The following CAT variants were observed in gnomAD, a reference collection of about 807,000 sequenced individuals.
CAT encodes the protein epididymis secretory sperm binding protein.
CAT carries 43 observed loss-of-function variants against 59.0 expected under a neutral mutation model. That is an observed-to-expected ratio of 0.73 (90% confidence interval 0.57 to 0.94). The LOEUF is 0.94. CAT is among the 40% of genes least tolerant of loss of function. CAT has a pLI of 0.00. For synonymous variants in CAT, 218 were observed against 230.9 expected (o/e 0.94, Z 0.51); for missense variants, 664 against 682.9 (o/e 0.97, Z 0.31).
chr11:34,439,035 G>A lies in CAT; in HGVS notation c.22G>A (p.Ala8Thr). 1 of 1,598,474 alleles carries A rather than the reference G, an allele frequency of 6.3e-7. No individual in the cohort carries two copies. The highest frequency in any genetic ancestry group is 8.5e-7 in the Non-Finnish European group (1 of 1,172,654). MADSRDPASDQMQHWKEQ... is the reference protein window; with the variant it reads MADSRDPTSDQMQHWKEQ... ...CGCTATGGCTGACAGCCGGGATCCC[G>A]CCAGCGACCAGATGCAGCACTGGAA... Residue 8 changes from alanine to threonine, a missense_variant, in exon 1 of 13, where the codon GCC (alanine) becomes ACC (threonine). Coordinates refer to ENST00000241052, the MANE Select transcript of CAT (RefSeq NM_001752.4).
chr11:34,462,061 C>A (rs1307353065), intron 9 of CAT, among the ~76,000 whole-genome samples: 1 of 151,756 alleles, frequency 6.6e-6, no homozygotes, highest in Non-Finnish European at 1.5e-5. Context: ...TTTTTGGTGT[C>A]GTATACAAAC....
In CAT at chr11:34,456,163, G is replaced by C; in HGVS notation, c.864G>C (p.Gln288His). 1 of 1,614,010 alleles carries C rather than the reference G, an allele frequency of 6.2e-7. No individual in the cohort carries two copies. Among genetic ancestry groups the C allele is most frequent in the Non-Finnish European group, 8.5e-7 (1 of 1,179,992 alleles). ...TFYIQVMTFN[Q>H]AETFPFNPFD... ...ACATCCAGGTCATGACATTTAATCA[G>C]GCAGAAACTTTTCCATTTAATCCAT... Residue 288 changes from glutamine to histidine, a missense_variant, in exon 7 of 13, where the codon CAG becomes CAC. By Grantham distance (24) the Gln-to-His change is conservative. Coordinates refer to ENST00000241052, the MANE Select transcript of CAT (RefSeq NM_001752.4).
Position 34,449,243 on chromosome 11 carries a change from A to G in CAT, c.118A>G (p.Asn40Asp). The stretch of plus-strand genomic sequence containing the variant: ...TGGTAACCCAGTAGGAGACAAACTT[A>G]ATGTTATTACAGTAGGGCCCCGTGG... Reference protein sequence around the residue: ...GAGNPVGDKLNVITVGPRGPL... With the variant: ...GAGNPVGDKLDVITVGPRGPL... The change falls in exon 2 of 13, where the codon AAT becomes GAT. Residue 40 changes from asparagine (N) to aspartate (D), a missense_variant. Coordinates refer to ENST00000241052, the MANE Select transcript of CAT (RefSeq NM_001752.4). The G allele has an allele frequency of 6.2e-7, 1 of 1,614,076 alleles. No individual in the cohort carries two copies. The highest frequency in any genetic ancestry group is 8.5e-7 in the Non-Finnish European group (1 of 1,179,922).
At chr11:34,449,584 C>T (rs1856498636) in intron 2 of CAT, among the ~76,000 whole-genome samples, 1 of 152,182 alleles carries the variant, frequency 6.6e-6, no homozygotes, top group South Asian at 2.1e-4. Flanking sequence ...TAGCAGTCTT[C>T]CATTTCTCCC....
At chr11:34,458,530 G>A (rs988428715) in intron 8 of CAT, among the ~76,000 whole-genome samples, 1 of 152,190 alleles carries the variant, frequency 6.6e-6, no homozygotes, top group African/African-American at 2.4e-5. Context: ...GCCAAAACAA[G>A]GTAATCCTGG....
intron 8 of CAT, 194 bp downstream of exon 8, chr11:34,457,011 A>G: frequency 1.6e-6 from 1 of 616,036 alleles, no homozygotes; most frequent in Non-Finnish European, 2.9e-6. Flanking sequence ...GAGTAAACCA[A>G]GTATAAACAA....
In CAT at chr11:34,470,023, A is replaced by C. The variant is rs970388398; in HGVS notation, c.1435-935A>C. 3.3e-5 allele frequency among the ~76,000 whole-genome samples: 5 copies of C among 152,092 alleles called. No homozygotes were observed. The East Asian group carries it at 9.6e-4, about 29-fold the overall frequency. Reference sequence around the variant, plus strand: ...GCAATTCTGTAATTCTTTGACAGTAACTGTGTGTCCTATAACTCAATTCAA... The same window carrying C: ...GCAATTCTGTAATTCTTTGACAGTACCTGTGTGTCCTATAACTCAATTCAA... On this transcript the variant is annotated intron_variant, in intron 11 of 12. Coordinates refer to ENST00000241052, the MANE Select transcript of CAT (RefSeq NM_001752.4).
At chr11:34,449,639 A>G (rs1046656503) in intron 2 of CAT, among the ~76,000 whole-genome samples, 1 of 152,216 alleles carries the variant, frequency 6.6e-6, no homozygotes, top group African/African-American at 2.4e-5. Flanking sequence ...CTTAACATCA[A>G]TAGGTTCTTG....
intron 1 of CAT, among the ~76,000 whole-genome samples, chr11:34,442,202 TTTAAA>T (rs2133176381): frequency 1.3e-5 from 2 of 152,362 alleles, no homozygotes; most frequent in South Asian, 4.1e-4. Flanking sequence ...TTGAATTGCT[TTTAAA>T]TTATTAATTC....
At chr11:34,452,651 C>T (rs147922470) in intron 4 of CAT, among the ~76,000 whole-genome samples, 25 of 152,028 alleles carry the variant, frequency 1.6e-4, no homozygotes, top group East Asian at 9.7e-4. Context: ...TCCATGAGTT[C>T]GAGACCAGCC....
intron 1 of CAT, among the ~76,000 whole-genome samples, chr11:34,446,549 T>G (rs894282932): frequency 5.3e-5 from 8 of 152,172 alleles, no homozygotes; most frequent in Non-Finnish European, 8.8e-5. Flanking sequence ...GGGTGTGGTA[T>G]TTATTCTTGA....
At chr11:34,471,289 C>A in intron 12 of CAT, 79 bp from the exon 13 acceptor site, 1 of 1,105,984 alleles carries the variant, frequency 9.0e-7, no homozygotes, top group Non-Finnish European at 1.4e-6. Flanking sequence ...TTTTCATTTG[C>A]ATACATATTA....
intron 1 of CAT, among the ~76,000 whole-genome samples, chr11:34,440,931 C>A (rs1856383451): frequency 6.6e-6 from 1 of 152,092 alleles, no homozygotes; most frequent in Admixed American, 6.5e-5. Context: ...TGTTGAAGTC[C>A]CTGCTGTTGA....
chr11:34,446,479 A>G (rs1042360288), intron 1 of CAT, among the ~76,000 whole-genome samples: 1 of 152,184 alleles, frequency 6.6e-6, no homozygotes, highest in Non-Finnish European at 1.5e-5. Flanking sequence ...TGTCATCAGG[A>G]AAGACCACCT....
At chr11:34,462,998 T>G (rs1374225472) in intron 9 of CAT, among the ~76,000 whole-genome samples, 1 of 152,198 alleles carries the variant, frequency 6.6e-6, no homozygotes, top group Non-Finnish European at 1.5e-5. Flanking sequence ...AATAGTATGG[T>G]GTTCTTCCTT....
intron 1 of CAT, among the ~76,000 whole-genome samples, chr11:34,447,494 A>G (rs535331038): frequency 3.3e-4 from 51 of 152,320 alleles, no homozygotes; most frequent in Admixed American, 6.5e-4. Context: ...ACAGAGGGTC[A>G]CACGTATTAG....
At chr11:34,442,894 CT>C (rs1353831593) in intron 1 of CAT, among the ~76,000 whole-genome samples, 3 of 152,180 alleles carry the variant, frequency 2.0e-5, no homozygotes, top group South Asian at 2.1e-4. Context: ...AGTCTACCCC[CT>C]GTCCAGGAAG....
At chr11:34,442,886 T>G (rs1161437018) in intron 1 of CAT, among the ~76,000 whole-genome samples, 1 of 152,190 alleles carries the variant, frequency 6.6e-6, no homozygotes, top group Non-Finnish European at 1.5e-5. Flanking sequence ...CCTGGGGTAG[T>G]CTACCCCCTG....
chr11:34,440,495 TGA>T (rs2133175346), intron 1 of CAT, among the ~76,000 whole-genome samples: 1 of 152,312 alleles, frequency 6.6e-6, no homozygotes, highest in Admixed American at 6.5e-5. Flanking sequence ...CTCGGTGAAT[TGA>T]GAAAAGTGTG....
Sources: gnomAD v4.1 joint callset for allele counts (sites outside exome capture counted in the v4.1 genomes callset) on GRCh38, gnomAD v4.1.1 for gene constraint, MANE v1.5 for transcripts, NCBI Gene and HGNC (gene_info 2026-07-23, HGNC 2026-07-21) for gene names.